PEX10: variants seen among roughly 807,000 people sequenced by gnomAD.
PEX10 encodes the protein peroxisomal biogenesis factor 10, also known as peroxisome biogenesis factor 10.
In PEX10, 32 loss-of-function variants were observed where a neutral mutation model predicts 38.0. That is an observed-to-expected ratio of 0.84 (90% CI 0.63 to 1.13). The LOEUF is 1.13. Among genes scored for constraint, PEX10 ranks in the 50% most tolerant of loss-of-function variants. The pLI is 0.00. For synonymous variants in PEX10, 206 were observed against 207.3 expected (o/e 0.99, Z 0.05); for missense variants, 483 against 457.7 (o/e 1.06, Z -0.51).
Position 2,409,949 on chromosome 1 carries a change from G to T in PEX10, c.193+422C>A, listed in dbSNP as rs1447737472. On this transcript the variant is annotated intron_variant, in intron 2 of 5. Coordinates refer to ENST00000447513, the MANE Select transcript of PEX10 (RefSeq NM_002617.4). This position sits in a 1 kb window ranked among gnomAD's most constrained non-coding sequence, Gnocchi z 6.2. ...GGTCCTTGCTACATGCTGAGCTGGG[G>T]TTGGGAGCCTGAGAGCTTCTGTCAA... 1 of 256,054 alleles carries T rather than the reference G, an allele frequency of 3.9e-6. No homozygotes were observed. Among genetic ancestry groups the T allele is most frequent in the East Asian group, 1.0e-4 (1 of 9,992 alleles). 15.9% of individuals were successfully genotyped at this position (256,054 alleles called of 1,614,324 possible).
At position 2,405,295 on chromosome 1, in the gene PEX10, T is replaced by C; in HGVS notation, c.*471A>G. 6.5e-6 allele frequency: 2 copies of C among 308,486 alleles called. No homozygotes were observed. Among genetic ancestry groups the C allele is most frequent in the South Asian group, 5.6e-5 (2 of 35,700 alleles). The allele number at this position is 308,486 out of a possible 1,614,324, so 19.1% of individuals were successfully genotyped here. A position where few individuals can be genotyped will look rare whatever the true frequency, so the allele number is the denominator to read the frequency against. On this transcript the variant is annotated 3_prime_UTR_variant, in exon 6 of 6. Coordinates refer to ENST00000447513, the MANE Select transcript of PEX10 (RefSeq NM_002617.4). ...CTCCCATGGGGCCGTGGGGCTGCTGTTCTCACTGCACTGGCTGAAGCAACC... is the reference window on the plus strand; with the variant it reads ...CTCCCATGGGGCCGTGGGGCTGCTGCTCTCACTGCACTGGCTGAAGCAACC...
In PEX10 at chr1:2,410,321, CT is replaced by C; in HGVS notation, c.193+49del. The C allele has an allele frequency of 6.6e-7, 1 of 1,514,214 alleles. No homozygotes were observed. Among genetic ancestry groups the C allele is most frequent in the Non-Finnish European group, 9.2e-7 (1 of 1,089,334 alleles). 93.8% of individuals were successfully genotyped at this position (1,514,214 alleles called of 1,614,324 possible). On this transcript the variant is annotated intron_variant, in intron 2 of 5. Transcript: ENST00000447513. The surrounding 1 kb of genome is among the most constrained non-coding windows in gnomAD (Gnocchi z 5.1). ...CAGCCCCCTGGCCACCGTCCCCAGA[CT>C]TGGTGTGTGTGGCTGCCCTCAGTCC...
At position 2,405,836 on chromosome 1, in the gene PEX10, T is replaced by G. The variant is rs758250423; in HGVS notation, c.913-2A>C. ...CTCCCGGCAGAGGGGACACTCCGCC[T>G]GCGGAGAGGAGAAAGGGGGTCACAG... On this transcript the variant is annotated splice_acceptor_variant, in intron 5 of 5. Coordinates refer to ENST00000447513, the MANE Select transcript of PEX10 (RefSeq NM_002617.4). LOFTEE classifies it high-confidence loss of function. The G allele has an allele frequency of 2.5e-6, 4 of 1,590,502 alleles. No homozygotes were observed. In the East Asian group the frequency reaches 6.9e-5, roughly 27 times the overall value.
chr1:2,405,283 G>A lies in PEX10; in HGVS notation c.*483C>T, dbSNP rs548964694. 4 of 289,346 alleles carry A rather than the reference G, an allele frequency of 1.4e-5. No homozygotes were observed. The highest frequency in any genetic ancestry group is 4.4e-5 in the African/African-American group (2 of 45,184). 17.9% of individuals were successfully genotyped at this position (289,346 alleles called of 1,614,324 possible). ...GAGCAGCGCCGCCTCCCATGGGGCC[G>A]TGGGGCTGCTGTTCTCACTGCACTG... On this transcript the variant is annotated 3_prime_UTR_variant, in exon 6 of 6. Coordinates refer to ENST00000447513, the MANE Select transcript of PEX10 (RefSeq NM_002617.4).
At chr1:2,405,888 T>TCCCCATCGGCATTTCTTTTCCTGTCCAC in intron 5 of PEX10, 54 bp from the exon 6 acceptor site, 1 of 1,367,882 alleles carries the variant, frequency 7.3e-7, no homozygotes, top group Non-Finnish European at 1.0e-6. Context: ...GCCATGCCCA[T>TCCCCATCGGCATTTCTTTTCCTGTCCAC]CCCCATCGGC....
intron 3 of PEX10, 145 bp downstream of exon 3, chr1:2,408,307 T>C (rs529685341): frequency 7.9e-6 from 7 of 890,754 alleles, no homozygotes; most frequent in African/African-American, 3.3e-5. Flanking sequence ...AAGCAGAGGA[T>C]TTGGGTTCCT....
chr1:2,406,487 G>C lies in PEX10; in HGVS notation c.909C>G (p.Ser303Arg). ...CGGCAGCAGGCTCCCACCTCACCTT[G>C]CTGCTGCACCACGCGGTGATGCACT... ...CWECITAWCS[S>R]KAECPLCREK... is the part of the protein sequence containing the mutation. The change falls in exon 5 of 6, where the codon AGC becomes AGG. Residue 303 changes from serine to arginine, a missense_variant. By Grantham distance (110) the Ser-to-Arg change is moderately radical. Transcript: ENST00000447513. 6.2e-7 allele frequency: 1 copy of C among 1,611,810 alleles called. No homozygotes were observed. Among genetic ancestry groups the C allele is most frequent in the Non-Finnish European group, 8.5e-7 (1 of 1,179,978 alleles).
Position 2,405,414 on chromosome 1 carries a change from C to CAAAATAAACAAAATAAACA in PEX10, c.*351_*352insTGTTTATTTTGTTTATTTT. ...TGGGGCTGTTTTCTCACAATATAAA[C>CAAAATAAACAAAATAAACA]GAATAAAGTGTCTTCTGGCCTACTT... On this transcript the variant is annotated 3_prime_UTR_variant, in exon 6 of 6. Transcript: ENST00000447513. 1 of 420,126 alleles carries CAAAATAAACAAAATAAACA rather than the reference C, an allele frequency of 2.4e-6. No homozygotes were observed. The highest frequency in any genetic ancestry group is 4.5e-6 in the Non-Finnish European group (1 of 222,296). 26.0% of individuals were successfully genotyped at this position (420,126 alleles called of 1,614,324 possible). A position where few individuals can be genotyped will look rare whatever the true frequency, so the allele number is the denominator to read the frequency against.
At position 2,407,219 on chromosome 1, in the gene PEX10, G is replaced by A. The variant is rs58827215; in HGVS notation, c.601-324C>T. 0.047 allele frequency among the ~76,000 whole-genome samples: 7,189 copies of A among 152,286 alleles called. 391 individuals carry two copies. Among genetic ancestry groups the A allele is most frequent in the African/African-American group, 0.13 (5,378 of 41,544 alleles). ...GGGACCACCTCTCAGAAAAGGAGGC[G>A]GGGAGCGGAAATGTGGGGCTGCAGA... On this transcript the variant is annotated intron_variant, in intron 3 of 5. Coordinates refer to ENST00000447513, the MANE Select transcript of PEX10 (RefSeq NM_002617.4).
rs867305222 is a variant in PEX10, at chr1:2,410,452, C to T, written c.113-1G>A. 13 of 1,613,474 alleles carry T rather than the reference C, an allele frequency of 8.1e-6. No homozygotes were observed. Among genetic ancestry groups the T allele is most frequent in the Non-Finnish European group, 1.0e-5 (12 of 1,179,564 alleles). On this transcript the variant is annotated splice_acceptor_variant, in intron 1 of 5. Transcript: ENST00000447513. LOFTEE classifies it high-confidence loss of function. The surrounding 1 kb of genome is among the most constrained non-coding windows in gnomAD (Gnocchi z 5.1). The stretch of plus-strand genomic sequence containing the variant: ...CTCCACTCCAGCCACTTCCTCGCAC[C>T]TGAGAGGAGAAACAGTATTAGTCCG...
Position 2,404,427 on chromosome 1 carries a change from C to T in PEX10, c.*1339G>A, listed in dbSNP as rs1163439517. On this transcript the variant is annotated 3_prime_UTR_variant, in exon 6 of 6. Coordinates refer to ENST00000447513, the MANE Select transcript of PEX10 (RefSeq NM_002617.4). ...ACTGTTTTCTTAATAAGCGCTCAGG[C>T]CTAAGGTGTGACAGGAAGTCGCACG... 6.6e-6 allele frequency: 1 copy of T among 152,240 alleles called. No individual in the cohort carries two copies. The highest frequency in any genetic ancestry group is 6.5e-5 in the Admixed American group (1 of 15,290). The allele number at this position is 152,240 out of a possible 1,614,324, so 9.4% of individuals were successfully genotyped here.
At chr1:2,413,328 G>A (rs2100443901), upstream of PEX10, among the ~76,000 whole-genome samples, 2 of 152,364 alleles carry the variant, frequency 1.3e-5, 1 homozygote, top group East Asian at 3.9e-4. Context: ...CCTGAGCCCC[G>A]CAGGTGCTCT....
chr1:2,406,368 G>A, intron 5 of PEX10, 116 bp downstream of exon 5: 2 of 1,400,252 alleles, frequency 1.4e-6, no homozygotes, highest in Admixed American at 3.4e-5. Context: ...GCCCACCTCT[G>A]TACCCTCAAA....
intron 3 of PEX10, among the ~76,000 whole-genome samples, chr1:2,407,958 C>T (rs1024390800): frequency 5.8e-5 from 8 of 137,506 alleles, no homozygotes; most frequent in South Asian, 5.2e-4. Flanking sequence ...GAGGTGCCAA[C>T]GGCTGTGGAG....
chr1:2,408,691 G>A lies in PEX10; in HGVS notation c.361C>T (p.Pro121Ser), dbSNP rs1056200158. The change falls in exon 3 of 6, where the codon CCC becomes TCC. Residue 121 changes from proline to serine, a missense_variant. Transcript: ENST00000447513. ...CCCTGCAAGGGTCGCCCACTGTCGGGGTCAGCCTGCAGCTCCTGCTCCAGG... is the reference window on the plus strand; with the variant it reads ...CCCTGCAAGGGTCGCCCACTGTCGGAGTCAGCCTGCAGCTCCTGCTCCAGG... Reference protein sequence around the residue: ...LPLEQELQADPDSGRPLQGSL... With the variant: ...LPLEQELQADSDSGRPLQGSL... 4 of 1,613,170 alleles carry A rather than the reference G, an allele frequency of 2.5e-6. No homozygotes were observed. The highest frequency in any genetic ancestry group is 2.2e-5 in the South Asian group (2 of 91,068).
At chr1:2,412,635 G>A (rs967396987), upstream of PEX10, 45 of 682,416 alleles carry the variant, frequency 6.6e-5, no homozygotes, top group East Asian at 1.7e-3. Context: ...GGCGGGGCCG[G>A]ACTGGGGCTG....
Position 2,406,885 on chromosome 1 carries a change from C to T in PEX10, c.611G>A (p.Arg204His), listed in dbSNP as rs199934621. ...RLTGITYLRV[R>H]SLPGEDLRAR... ...CCTCAGGTCCTCTCCGGGCAGGCTG[C>T]GGACACGGAGCTGTAAGGCAGATGG... is the stretch of plus-strand genomic sequence containing the variant. The change falls in exon 4 of 6, where the codon CGC becomes CAC. Residue 204 changes from arginine to histidine, a missense_variant. Coordinates refer to ENST00000447513, the MANE Select transcript of PEX10 (RefSeq NM_002617.4). 211 of 1,608,452 alleles carry T rather than the reference C, an allele frequency of 1.3e-4. No homozygotes were observed. In the East Asian group the frequency reaches 2.4e-3, roughly 18 times the overall value.
At chr1:2,408,989 C>T (rs1643102395) in intron 2 of PEX10, 131 bp from the exon 3 acceptor site, 1 of 893,880 alleles carries the variant, frequency 1.1e-6, no homozygotes, top group Non-Finnish European at 1.8e-6. Flanking sequence ...AGCCCACTGT[C>T]ACCCCGTGCT....
At chr1:2,406,933 A>C in intron 3 of PEX10, 38 bp from the exon 4 acceptor site, 4 of 1,597,170 alleles carry the variant, frequency 2.5e-6, no homozygotes, top group Non-Finnish European at 3.4e-6. Context: ...CAGGACCCTG[A>C]GGGGATCTGG....
Sources: allele counts gnomAD v4.1 joint callset (sites outside exome capture counted in the v4.1 genomes callset), GRCh38; gene constraint gnomAD v4.1.1; non-coding constraint Gnocchi (gnomAD v3.1); transcripts MANE v1.5; gene names NCBI Gene and HGNC (gene_info 2026-07-23, HGNC 2026-07-21).